ST18: variants seen among roughly 807,000 people sequenced by gnomAD.
ST18 encodes ST18 C2H2C-type zinc finger transcription factor.
A neutral mutation model predicts 110.0 loss-of-function variants in ST18; 50 were observed. That is an observed-to-expected ratio of 0.45 (90% CI 0.36 to 0.58). The LOEUF is 0.58. Among genes scored for constraint, ST18 ranks in the 20% least tolerant of loss-of-function variants. The pLI is 0.00. For synonymous variants in ST18, 461 were observed against 452.4 expected (o/e 1.02, Z -0.24); for missense variants, 1,306 against 1,280.1 (o/e 1.02, Z -0.31).
At chr8:52,407,889 C>T (rs181144049) in intron 2 of ST18, 1 of 152,338 alleles carries the variant, frequency 6.6e-6, no homozygotes, top group Admixed American at 6.5e-5. Flanking sequence ...CCCAATTCAT[C>T]AATACATTGC....
At chr8:52,300,956 A>G (rs1046305875) in intron 2 of ST18, among the ~76,000 whole-genome samples, 1 of 152,230 alleles carries the variant, frequency 6.6e-6, no homozygotes, top group Non-Finnish European at 1.5e-5. Flanking sequence ...TATAACCACA[A>G]ATACAGAAGA....
chr8:52,210,292 G>T (rs1254016657), intron 8 of ST18, among the ~76,000 whole-genome samples: 3 of 152,254 alleles, frequency 2.0e-5, no homozygotes, highest in South Asian at 4.1e-4. Flanking sequence ...AATGAGCAAG[G>T]TTATTCAACA....
At chr8:52,155,270 G>A (rs2059751142) in intron 15 of ST18, among the ~76,000 whole-genome samples, 1 of 151,984 alleles carries the variant, frequency 6.6e-6, no homozygotes, top group Non-Finnish European at 1.5e-5. Flanking sequence ...TAACCATTAT[G>A]TCATCCACTA....
chr8:52,186,815 T>C (rs1284619536), intron 8 of ST18, among the ~76,000 whole-genome samples: 1 of 152,210 alleles, frequency 6.6e-6, no homozygotes, highest in Non-Finnish European at 1.5e-5. Flanking sequence ...GCATACATAA[T>C]GTCCAAAACC....
chr8:52,171,150 G>A (rs1406560128), intron 10 of ST18, among the ~76,000 whole-genome samples: 2 of 152,208 alleles, frequency 1.3e-5, no homozygotes, highest in Non-Finnish European at 2.9e-5. Context: ...GCTAGAAATA[G>A]CATGAGGCTC....
At chr8:52,284,816 C>G (rs1285110146) in intron 2 of ST18, among the ~76,000 whole-genome samples, 1 of 151,778 alleles carries the variant, frequency 6.6e-6, no homozygotes, top group African/African-American at 2.4e-5. Context: ...ACCCCCGCCA[C>G]CCCCCAAAAA....
intron 2 of ST18, among the ~76,000 whole-genome samples, chr8:52,276,755 A>T (rs1011761942): frequency 5.9e-5 from 9 of 151,418 alleles, no homozygotes; most frequent in African/African-American, 2.4e-5. Flanking sequence ...CAAATTATAA[A>T]ACCTATAAAA....
Position 52,110,904 on chromosome 8 carries a change from G to A in ST18, c.*2294C>T, listed in dbSNP as rs2040359939. Reference sequence around the variant, plus strand: ...GCACTGAACACAATTTTGTTGCTTTGATGTAAGAAATATTAAGTGTTTGGA... The same window carrying A: ...GCACTGAACACAATTTTGTTGCTTTAATGTAAGAAATATTAAGTGTTTGGA... On this transcript the variant is annotated 3_prime_UTR_variant, in exon 26 of 26. Transcript: ENST00000689386. 1 of 393,182 alleles carries A rather than the reference G, an allele frequency of 2.5e-6. No individual in the cohort carries two copies. The highest frequency in any genetic ancestry group is 3.6e-5 in the East Asian group (1 of 27,760). The allele number at this position is 393,182 out of a possible 1,614,324, so 24.4% of individuals were successfully genotyped here.
At chr8:52,309,932 C>T (rs1371697257) in intron 2 of ST18, among the ~76,000 whole-genome samples, 3 of 152,168 alleles carry the variant, frequency 2.0e-5, no homozygotes, top group Non-Finnish European at 4.4e-5. Context: ...CTTTTTCCAC[C>T]TGCCCCACGT....
intron 2 of ST18, among the ~76,000 whole-genome samples, chr8:52,275,193 C>T (rs1051672084): frequency 1.3e-5 from 2 of 151,768 alleles, no homozygotes; most frequent in Non-Finnish European, 2.9e-5. Flanking sequence ...TTACTTCAAG[C>T]AAAAACTAAA....
intron 2 of ST18, among the ~76,000 whole-genome samples, chr8:52,345,844 T>C (rs1817489879): frequency 6.6e-6 from 1 of 152,174 alleles, no homozygotes; most frequent in Admixed American, 6.5e-5. Flanking sequence ...AACCCTTCTC[T>C]ACTCTGCCCA....
chr8:52,287,635 G>A (rs895143182), intron 2 of ST18, among the ~76,000 whole-genome samples: 1 of 152,198 alleles, frequency 6.6e-6, no homozygotes. Flanking sequence ...AGGCTATGCA[G>A]AGTGTAAACT....
chr8:52,351,875 A>T (rs1820508920), intron 2 of ST18, among the ~76,000 whole-genome samples: 1 of 152,196 alleles, frequency 6.6e-6, no homozygotes, highest in Non-Finnish European at 1.5e-5. Flanking sequence ...GAAAAACAAT[A>T]ACTTCATGTT....
chr8:52,388,953 C>T (rs1838125087), intron 2 of ST18, among the ~76,000 whole-genome samples: 2 of 134,112 alleles, frequency 1.5e-5, no homozygotes, highest in Admixed American at 1.6e-4. Context: ...TACCCTAAAA[C>T]TTAAAGTATA....
At chr8:52,114,879 G>C (rs1035939274) in intron 25 of ST18, among the ~76,000 whole-genome samples, 1 of 152,206 alleles carries the variant, frequency 6.6e-6, no homozygotes, top group African/African-American at 2.4e-5. Context: ...CCACTAGAGT[G>C]CCCTGTGTGG....
chr8:52,301,847 C>T (rs2095728175), intron 2 of ST18: 1 of 152,162 alleles, frequency 6.6e-6, no homozygotes, highest in Non-Finnish European at 1.5e-5. Context: ...TTCCTTCCTT[C>T]CAGGATGGTA....
At chr8:52,276,154 G>GCCCATACA (rs2095246042) in intron 2 of ST18, among the ~76,000 whole-genome samples, 14 of 13,688 alleles carry the variant, frequency 1.0e-3, no homozygotes, top group South Asian at 2.6e-3. Context: ...TGCACACCAC[G>GCCCATACA]CACCACACAT....
intron 10 of ST18, among the ~76,000 whole-genome samples, chr8:52,169,853 C>T (rs1188814822): frequency 2.0e-5 from 3 of 152,130 alleles, no homozygotes; most frequent in Admixed American, 2.0e-4. Context: ...ATGCCTCAGG[C>T]ACTAGGATAT....
intron 6 of ST18, among the ~76,000 whole-genome samples, chr8:52,215,176 T>C (rs1404400489): frequency 6.6e-6 from 1 of 152,180 alleles, no homozygotes; most frequent in Non-Finnish European, 1.5e-5. Flanking sequence ...GCAATGGTAA[T>C]GGGAGCTGCA....
Sources: allele counts gnomAD v4.1 joint callset (sites outside exome capture counted in the v4.1 genomes callset), GRCh38; gene constraint gnomAD v4.1.1; transcripts MANE v1.5; gene names NCBI Gene and HGNC (gene_info 2026-07-23, HGNC 2026-07-21).